The following TBC1D1 variants were observed in gnomAD, a reference collection of about 807,000 sequenced individuals.
TBC1D1 encodes TBC1 domain family member 1.
A neutral mutation model predicts 125.6 loss-of-function variants in TBC1D1; 89 were observed. The ratio of observed to expected loss-of-function variants is 0.71; its 90% CI spans 0.60 to 0.85. The LOEUF is 0.85. Ranked by LOEUF, TBC1D1 falls within the 40% of genes least tolerant of loss-of-function variation. The pLI, the probability that TBC1D1 is intolerant of heterozygous loss-of-function variation, is 0.00. For synonymous variants in TBC1D1, 565 were observed against 564.1 expected (o/e 1.00, Z -0.02); for missense variants, 1,377 against 1,469.2 (o/e 0.94, Z 1.03).
At chr4:38,118,493 G>A in intron 17 of TBC1D1, 1 of 288,784 alleles carries the variant, frequency 3.5e-6, no homozygotes, top group Non-Finnish European at 6.4e-6. Flanking sequence ...ACTTGGCTGA[G>A]GAGCCACAGG....
rs531681649 is a variant in TBC1D1 at position 38,092,425 on chromosome 4, A to C, written c.2236+2308A>C. The stretch of plus-strand genomic sequence containing the variant: ...TGAGATATGCAAACATTTAAGCAAG[A>C]TTAATACAAATATGATAATTATTGG... On this transcript the variant is annotated intron_variant, in intron 13 of 19. Transcript: ENST00000261439. 7.2e-5 allele frequency among the ~76,000 whole-genome samples: 11 copies of C among 152,286 alleles called. No individual in the cohort carries two copies. In the South Asian group the frequency reaches 1.9e-3, roughly 26 times the overall value.
chr4:38,063,006 C>T (rs931660976), intron 12 of TBC1D1, among the ~76,000 whole-genome samples: 1 of 152,188 alleles, frequency 6.6e-6, no homozygotes, highest in African/African-American at 2.4e-5. Flanking sequence ...ACAGCAGATT[C>T]CTCCTTAGGG....
intron 2 of TBC1D1, among the ~76,000 whole-genome samples, chr4:37,941,709 TTC>T (rs549004450): frequency 3.8e-4 from 58 of 152,340 alleles, no homozygotes; most frequent in Middle Eastern, 3.4e-3. Context: ...GTCCCAGAGA[TTC>T]TGGTATGTTG....
At chr4:38,011,345 C>G (rs1741438512) in intron 2 of TBC1D1, among the ~76,000 whole-genome samples, 1 of 145,858 alleles carries the variant, frequency 6.9e-6, no homozygotes, top group South Asian at 2.2e-4. Context: ...AAGAGCGAAA[C>G]TCCATCTCAA....
chr4:37,998,501 C>A (rs1203332131), intron 2 of TBC1D1, among the ~76,000 whole-genome samples: 1 of 152,198 alleles, frequency 6.6e-6, no homozygotes, highest in Non-Finnish European at 1.5e-5. Flanking sequence ...TCCACACCTC[C>A]CTCCTCGTCT....
At chr4:38,012,267 C>T (rs1741662549) in intron 2 of TBC1D1, among the ~76,000 whole-genome samples, 2 of 152,074 alleles carry the variant, frequency 1.3e-5, no homozygotes, top group Non-Finnish European at 2.9e-5. Flanking sequence ...TGGAGAGTAA[C>T]TATGGCTTTT....
At chr4:38,029,382 T>C (rs973143062) in intron 7 of TBC1D1, among the ~76,000 whole-genome samples, 5 of 152,326 alleles carry the variant, frequency 3.3e-5, no homozygotes, top group Middle Eastern at 3.4e-3. Flanking sequence ...TTGTTGTTTT[T>C]TTGAGACAGA....
At chr4:38,006,391 C>T (rs1164242042) in intron 2 of TBC1D1, among the ~76,000 whole-genome samples, 1 of 152,016 alleles carries the variant, frequency 6.6e-6, no homozygotes, top group Admixed American at 6.5e-5. Context: ...GATGACATTC[C>T]TCCAATATGT....
Position 37,933,443 on chromosome 4 carries a change from C to T in TBC1D1, c.417+30931C>T, listed in dbSNP as rs75557509. ...TACACACATATGTTTTACACACACA[C>T]ACACACACACACACACACACACACA... On this transcript the variant is annotated intron_variant, in intron 2 of 19. Coordinates refer to ENST00000261439, the MANE Select transcript of TBC1D1 (RefSeq NM_015173.4). 5.7e-3 allele frequency among the ~76,000 whole-genome samples: 775 copies of T among 135,548 alleles called. 1 individual carries two copies. The highest frequency in any genetic ancestry group is 0.018 in the African/African-American group (710 of 39,844). The allele number at this position is 135,548 out of a possible 152,430, so 88.9% of individuals were successfully genotyped here. A position where few individuals can be genotyped will look rare whatever the true frequency, so the allele number is the denominator to read the frequency against.
At chr4:38,080,271 G>A (rs1756321705) in intron 12 of TBC1D1, among the ~76,000 whole-genome samples, 1 of 149,272 alleles carries the variant, frequency 6.7e-6, no homozygotes, top group Admixed American at 6.6e-5. Flanking sequence ...CAATGTAAAC[G>A]ACCAATGTTG....
intron 2 of TBC1D1, among the ~76,000 whole-genome samples, chr4:37,972,115 G>C (rs557551970): frequency 6.6e-6 from 1 of 152,164 alleles, no homozygotes; most frequent in African/African-American, 2.4e-5. Context: ...CAGTGTCTTT[G>C]AGCAATGACT....
At chr4:37,945,036 T>C (rs1204319999) in intron 2 of TBC1D1, among the ~76,000 whole-genome samples, 1 of 152,068 alleles carries the variant, frequency 6.6e-6, no homozygotes, top group Non-Finnish European at 1.5e-5. Flanking sequence ...CTTAGTAGAG[T>C]CCAGCTCTGG....
intron 2 of TBC1D1, among the ~76,000 whole-genome samples, chr4:37,987,383 G>T (rs1290817574): frequency 6.6e-6 from 1 of 151,228 alleles, no homozygotes; most frequent in Admixed American, 6.6e-5. Flanking sequence ...AGCTTGACTT[G>T]TTTGGCTCTA....
chr4:37,939,697 G>A (rs191613389), intron 2 of TBC1D1, among the ~76,000 whole-genome samples: 3 of 152,278 alleles, frequency 2.0e-5, no homozygotes, highest in South Asian at 2.1e-4. Flanking sequence ...ATTAATTTTT[G>A]TATAAGGTAT....
chr4:37,917,591 A>G (rs1405434212), intron 2 of TBC1D1, among the ~76,000 whole-genome samples: 1 of 152,176 alleles, frequency 6.6e-6, no homozygotes, highest in Non-Finnish European at 1.5e-5. Flanking sequence ...GGGAGGCCGC[A>G]CAGGGCAGAG....
In TBC1D1 at chr4:38,103,085, C is replaced by T; in HGVS notation, c.2485C>T (p.Pro829Ser). The T allele has an allele frequency of 6.2e-7, 1 of 1,614,142 alleles. No individual in the cohort carries two copies. Among genetic ancestry groups the T allele is most frequent in the Non-Finnish European group, 8.5e-7 (1 of 1,180,020 alleles). The change falls in exon 15 of 20, where the codon CCA becomes TCA. Residue 829 changes from proline (P) to serine (S), a missense_variant. By Grantham distance (74) the Pro-to-Ser change is moderately conservative. Around this residue, in one of 3 missense-constraint regions of TBC1D1, gnomAD observed 543 missense variants for 613.5 expected, o/e 0.89. Transcript: ENST00000261439. ...ACACCAGTTTCCCAGCAAACAGCAGCCAAAGGATGTGCCATACAAAGAACT... is the reference window on the plus strand; with the variant it reads ...ACACCAGTTTCCCAGCAAACAGCAGTCAAAGGATGTGCCATACAAAGAACT...
chr4:38,124,770 T>G (rs1030141835), intron 17 of TBC1D1, among the ~76,000 whole-genome samples, 192 bp from the exon 20 acceptor site: 82 of 152,236 alleles, frequency 5.4e-4, no homozygotes, highest in African/African-American at 1.9e-3. Context: ...TTTTAATGTT[T>G]ATGTACTTTT....
chr4:38,137,149 G>A lies in TBC1D1; in HGVS notation c.3321G>A (p.Arg1107=). Reference sequence around the variant, plus strand: ...TTATTCTCCAGGTGGCAAATGGTAGGATCCAAAGCCTTGAGGCCACCATTG... The same window carrying A: ...TTATTCTCCAGGTGGCAAATGGTAGAATCCAAAGCCTTGAGGCCACCATTG... The change falls in exon 20 of 20, where the codon AGG becomes AGA. Residue 1107 remains arginine, a synonymous_variant. Coordinates refer to ENST00000261439, the MANE Select transcript of TBC1D1 (RefSeq NM_015173.4). 1 of 1,613,470 alleles carries A rather than the reference G, an allele frequency of 6.2e-7. No homozygotes were observed. Among genetic ancestry groups the A allele is most frequent in the Non-Finnish European group, 8.5e-7 (1 of 1,180,034 alleles).
At chr4:38,131,189 A>G (rs917005812) in intron 18 of TBC1D1, among the ~76,000 whole-genome samples, 1 of 152,206 alleles carries the variant, frequency 6.6e-6, no homozygotes, top group African/African-American at 2.4e-5. Flanking sequence ...GGCTTTGGGT[A>G]CTGCTGAGAG....
Sources: gnomAD v4.1 joint callset for allele counts (sites outside exome capture counted in the v4.1 genomes callset) on GRCh38, gnomAD v4.1.1 for gene constraint, gnomAD v4.1.1 regional missense constraint, MANE v1.5 for transcripts, NCBI Gene and HGNC (gene_info 2026-07-23, HGNC 2026-07-21) for gene names.